The following LEKR1 variants were observed in gnomAD, a reference collection of about 807,000 sequenced individuals.
LEKR1 encodes the protein leucine, glutamate and lysine rich 1.
A neutral mutation model predicts 72.4 loss-of-function variants in LEKR1; 59 were observed. The ratio of observed to expected loss-of-function variants is 0.82; its 90% CI spans 0.66 to 1.01. The LOEUF is 1.01. Ranked by LOEUF, LEKR1 falls within the 50% of genes least tolerant of loss-of-function variation. The pLI is 0.00. For missense variants in LEKR1, 728 were observed against 759.2 expected, an observed-to-expected ratio of 0.96 and a Z score of 0.48; for synonymous variants, 257 against 263.2, an observed-to-expected ratio of 0.98 and a Z score of 0.23.
At chr3:156,880,739 C>G (rs1365931964) in intron 3 of LEKR1, among the ~76,000 whole-genome samples, 3 of 152,122 alleles carry the variant, frequency 2.0e-5, no homozygotes, top group Non-Finnish European at 2.9e-5. Flanking sequence ...AACATTGATG[C>G]AAAAATCCTC....
Position 156,925,943 on chromosome 3 carries a change from T to C in LEKR1, c.384-1486T>C, listed in dbSNP as rs561677239. On this transcript the variant is annotated intron_variant, in intron 4 of 12. Coordinates refer to ENST00000356539, the MANE Select transcript of LEKR1 (RefSeq NM_001004316.3). ...TACATTAATTTGGATGTATATAATTTTTAAAATTAATCAAATAAAAGCATT... is the reference window on the plus strand; with the variant it reads ...TACATTAATTTGGATGTATATAATTCTTAAAATTAATCAAATAAAAGCATT... Among the ~76,000 whole-genome samples the C allele has an allele frequency of 5.9e-5, 9 of 152,098 alleles. 1 individual carries two copies. In the South Asian group the frequency reaches 8.3e-4, roughly 14 times the overall value.
intron 6 of LEKR1, among the ~76,000 whole-genome samples, chr3:156,949,858 C>T (rs772373978): frequency 6.6e-6 from 1 of 151,162 alleles, no homozygotes; most frequent in African/African-American, 2.4e-5. Context: ...ATTTTAATAT[C>T]TTTGTCAGAT....
chr3:156,856,720 T>C (rs1022258281), intron 3 of LEKR1, among the ~76,000 whole-genome samples: 35 of 152,156 alleles, frequency 2.3e-4, no homozygotes, highest in African/African-American at 6.3e-4. Flanking sequence ...TTACATTTTT[T>C]TGAATGCTAT....
At chr3:157,031,986 G>A (rs1560160122) in intron 12 of LEKR1, among the ~76,000 whole-genome samples, 1 of 151,676 alleles carries the variant, frequency 6.6e-6, no homozygotes, top group African/African-American at 2.4e-5. Flanking sequence ...AGAGAAAATG[G>A]AAAATAAAAC....
chr3:156,827,978 G>A (rs2108526293), intron 1 of LEKR1, among the ~76,000 whole-genome samples: 1 of 152,308 alleles, frequency 6.6e-6, no homozygotes, highest in East Asian at 1.9e-4. Context: ...TGACAGAAAT[G>A]AGAATAATGA....
At chr3:156,988,895 G>A (rs757558476) in intron 7 of LEKR1, among the ~76,000 whole-genome samples, 5 of 152,044 alleles carry the variant, frequency 3.3e-5, no homozygotes, top group Non-Finnish European at 7.4e-5. Flanking sequence ...GCAATGGTGC[G>A]ATCTCGGCTC....
intron 2 of LEKR1, among the ~76,000 whole-genome samples, chr3:156,843,489 C>G (rs1714194128): frequency 1.3e-5 from 2 of 151,862 alleles, no homozygotes; most frequent in Admixed American, 6.6e-5. Flanking sequence ...AAAAAAGAGA[C>G]CAGAGTTGTT....
intron 3 of LEKR1, among the ~76,000 whole-genome samples, chr3:156,891,312 AG>A (rs1317657731): frequency 3.3e-5 from 5 of 152,222 alleles, no homozygotes; most frequent in Non-Finnish European, 7.3e-5. Flanking sequence ...GTAAGAAAAA[AG>A]CATGTGCATT....
intron 6 of LEKR1, among the ~76,000 whole-genome samples, chr3:156,955,106 A>C (rs6806669): frequency 6.6e-6 from 1 of 151,550 alleles, no homozygotes; most frequent in African/African-American, 2.4e-5. Context: ...GGTTTTAAAA[A>C]TTTTTTTTAT....
chr3:156,850,218 A>G (rs903947740), intron 2 of LEKR1, among the ~76,000 whole-genome samples: 2 of 151,806 alleles, frequency 1.3e-5, no homozygotes, highest in Non-Finnish European at 1.5e-5. Context: ...ACTCAAATAT[A>G]TGTGAGTCTA....
intron 9 of LEKR1, among the ~76,000 whole-genome samples, chr3:157,007,315 A>C (rs1385261818): frequency 6.6e-6 from 1 of 152,224 alleles, no homozygotes; most frequent in Non-Finnish European, 1.5e-5. Context: ...CAAGGGCAAA[A>C]CCTAATAGCT....
intron 4 of LEKR1, chr3:156,920,980 A>G (rs1724141444): frequency 5.2e-6 from 1 of 190,890 alleles, no homozygotes; most frequent in Non-Finnish European, 1.1e-5. Context: ...TTCCCTCTTC[A>G]CCAATATTTC....
intron 12 of LEKR1, among the ~76,000 whole-genome samples, chr3:157,043,169 T>A (rs983359113): frequency 6.6e-6 from 1 of 152,220 alleles, no homozygotes; most frequent in Non-Finnish European, 1.5e-5. Flanking sequence ...AAAAGCTTCC[T>A]GAGGCCTCCC....
At chr3:157,035,108 C>A (rs1734869148) in intron 12 of LEKR1, among the ~76,000 whole-genome samples, 1 of 152,158 alleles carries the variant, frequency 6.6e-6, no homozygotes, top group African/African-American at 2.4e-5. Flanking sequence ...AAGGTATGTA[C>A]ATTTTTTAGA....
intron 2 of LEKR1, among the ~76,000 whole-genome samples, chr3:156,836,328 T>C (rs1422341717): frequency 6.6e-6 from 1 of 152,120 alleles, no homozygotes; most frequent in East Asian, 1.9e-4. Flanking sequence ...GGGCCCGTGG[T>C]ACCTCCTCTG....
chr3:157,028,327 GA>G lies in LEKR1; in HGVS notation c.1595del (p.Lys532SerfsTer5). ...SENLRKEMEQ[K>X]SDELKRVMLA... ...AAAACTTGAGGAAGGAAATGGAACA[GA>G]AGTCGGATGAACTGAAAAGAGTAAT... On this transcript the variant is annotated frameshift_variant, in exon 12 of 13. Transcript: ENST00000356539. LOFTEE classifies it high-confidence loss of function. The G allele has an allele frequency of 6.2e-7, 1 of 1,613,318 alleles. No individual in the cohort carries two copies. The highest frequency in any genetic ancestry group is 1.1e-5 in the South Asian group (1 of 90,996).
intron 3 of LEKR1, among the ~76,000 whole-genome samples, chr3:156,882,019 T>C (rs1719423422): frequency 7.2e-6 from 1 of 138,042 alleles, no homozygotes; most frequent in Non-Finnish European, 1.6e-5. Flanking sequence ...ATTAAAGACT[T>C]AAACGTTAGA....
chr3:156,848,796 G>C (rs1293162952), intron 2 of LEKR1, among the ~76,000 whole-genome samples: 1 of 152,152 alleles, frequency 6.6e-6, no homozygotes, highest in Non-Finnish European at 1.5e-5. Flanking sequence ...CTTTGCAAAA[G>C]ACATAAAGCT....
At chr3:156,977,896 A>T (rs1439679823) in intron 6 of LEKR1, 1 of 170,732 alleles carries the variant, frequency 5.9e-6, no homozygotes, top group Non-Finnish European at 1.3e-5. Context: ...ACCATTATCT[A>T]TCACACTTTT....
Sources: gnomAD v4.1 joint callset for allele counts (sites outside exome capture counted in the v4.1 genomes callset) on GRCh38, gnomAD v4.1.1 for gene constraint, MANE v1.5 for transcripts, NCBI Gene and HGNC (gene_info 2026-07-23, HGNC 2026-07-21) for gene names.